The following DAB1 variants were observed in gnomAD, a reference collection of about 807,000 sequenced individuals.
The protein encoded by DAB1 is disabled homolog 1.
In DAB1, 15 loss-of-function variants were observed where a neutral mutation model predicts 64.6. That is an observed-to-expected ratio of 0.23 (90% CI 0.16 to 0.36). The LOEUF (loss-of-function observed/expected upper bound fraction) is 0.36. Ranked by LOEUF, DAB1 falls within the 10% of genes least tolerant of loss-of-function variation. DAB1 has a pLI of 1.00. For synonymous variants in DAB1, 235 were observed against 251.9 expected (o/e 0.93, Z 0.64); for missense variants, 596 against 706.7 (o/e 0.84, Z 1.78).
intron 4 of DAB1, among the ~76,000 whole-genome samples, chr1:58,227,879 T>C (rs183023601): frequency 6.6e-6 from 1 of 152,336 alleles, no homozygotes; most frequent in Non-Finnish European, 1.5e-5. Flanking sequence ...TTATTTCTGT[T>C]GGACAATTTT....
intron 5 of DAB1, among the ~76,000 whole-genome samples, chr1:57,992,572 C>G (rs527664262): frequency 6.6e-6 from 1 of 152,114 alleles, no homozygotes; most frequent in African/African-American, 2.4e-5. Context: ...TATGATGTGC[C>G]CCAGAATCAC....
chr1:57,581,292 A>C (rs891348314), intron 7 of DAB1, among the ~76,000 whole-genome samples: 4 of 152,236 alleles, frequency 2.6e-5, no homozygotes, highest in African/African-American at 7.2e-5. Flanking sequence ...GAAAAACTCT[A>C]GGGGAACAAA....
chr1:58,358,944 T>A (rs1173344488), intron 3 of DAB1, among the ~76,000 whole-genome samples: 2 of 10,882 alleles, frequency 1.8e-4, no homozygotes, highest in African/African-American at 9.5e-4. Flanking sequence ...TCTCTCTCTC[T>A]CTCTCTGTAA....
chr1:57,379,840 A>G (rs1375348195), intron 1 of DAB1, among the ~76,000 whole-genome samples: 1 of 152,222 alleles, frequency 6.6e-6, no homozygotes, highest in African/African-American at 2.4e-5. Context: ...GAAGAAGATC[A>G]AGGGCTTGCG....
At chr1:57,681,343 A>C (rs1646634313) in intron 6 of DAB1, among the ~76,000 whole-genome samples, 1 of 152,130 alleles carries the variant, frequency 6.6e-6, no homozygotes, top group Non-Finnish European at 1.5e-5. Context: ...CCACTTCTTA[A>C]TTTAATTAAC....
chr1:57,829,232 TTAAC>T (rs1194415905), intron 1 of DAB1, among the ~76,000 whole-genome samples: 1 of 152,210 alleles, frequency 6.6e-6, no homozygotes, highest in Non-Finnish European at 1.5e-5. Flanking sequence ...TATCTGATTA[TTAAC>T]TAACAATTGT....
chr1:58,369,278 G>A (rs1263048311), intron 3 of DAB1, among the ~76,000 whole-genome samples: 1 of 151,896 alleles, frequency 6.6e-6, no homozygotes, highest in African/African-American at 2.4e-5. Context: ...ATTAGCTTCT[G>A]AATATTTGTC....
In DAB1 at chr1:57,843,925, C is replaced by T. The variant is rs72666108; in HGVS notation, n.88-17470G>A. 3.0e-3 allele frequency among the ~76,000 whole-genome samples: 453 copies of T among 152,286 alleles called. 1 individual carries two copies. Among genetic ancestry groups the T allele is most frequent in the Non-Finnish European group, 4.9e-3 (336 of 68,018 alleles). On this transcript the variant is annotated intron_variant and non_coding_transcript_variant, in intron 1 of 1. Transcript: ENST00000477280. ...ATATAGAAAGAAGCAAGAATTTGACCAGGTTTGACCCATTCTGGAAGTTCT... is the reference window on the plus strand; with the variant it reads ...ATATAGAAAGAAGCAAGAATTTGACTAGGTTTGACCCATTCTGGAAGTTCT...
At chr1:58,201,862 T>C (rs1328369783) in intron 4 of DAB1, among the ~76,000 whole-genome samples, 1 of 152,180 alleles carries the variant, frequency 6.6e-6, no homozygotes, top group African/African-American at 2.4e-5. Flanking sequence ...TACCCTGAAA[T>C]GGGAGGAGTG....
chr1:58,247,767 T>G (rs1217855858), intron 4 of DAB1, among the ~76,000 whole-genome samples: 2 of 151,636 alleles, frequency 1.3e-5, no homozygotes, highest in Non-Finnish European at 2.9e-5. Flanking sequence ...CATCTCTCCC[T>G]TCTCCTCACC....
chr1:57,597,561 A>G lies in DAB1; in HGVS notation n.625+52031T>C, dbSNP rs555667441. Among the ~76,000 whole-genome samples the G allele has an allele frequency of 5.3e-5, 8 of 152,380 alleles. No individual in the cohort carries two copies. The South Asian group carries it at 1.7e-3, about 32-fold the overall frequency. ...CACAAGGCTACGAAGTTAGAATCAG[A>G]GATCCTTTATTTAGTCCAACACCTG... On this transcript the variant is annotated intron_variant and non_coding_transcript_variant, in intron 7 of 20. Transcript: ENST00000485760.
At position 58,127,384 on chromosome 1, in the gene DAB1, G is replaced by A. The variant is rs753698241; in HGVS notation, n.387+23127C>T. On this transcript the variant is annotated intron_variant and non_coding_transcript_variant, in intron 5 of 20. Coordinates refer to the DAB1 transcript ENST00000485760. ...GCCCTTTGTCAGATGAGTAGGTTGCGAAAATTTTCTCCCATTTTGTAGGTT... is the reference window on the plus strand; with the variant it reads ...GCCCTTTGTCAGATGAGTAGGTTGCAAAAATTTTCTCCCATTTTGTAGGTT... Among the ~76,000 whole-genome samples the A allele has an allele frequency of 2.8e-3, 430 of 151,672 alleles. 1 individual carries two copies. The highest frequency in any genetic ancestry group is 4.8e-3 in the Non-Finnish European group (327 of 67,842).
At chr1:57,739,821 T>C (rs1218772408) in intron 6 of DAB1, among the ~76,000 whole-genome samples, 1 of 151,822 alleles carries the variant, frequency 6.6e-6, no homozygotes, top group East Asian at 2.0e-4. Context: ...CCTAAGAATT[T>C]TCATCAGTAA....
intron 1 of DAB1, among the ~76,000 whole-genome samples, chr1:57,412,185 T>C (rs987045398): frequency 6.6e-6 from 1 of 152,256 alleles, no homozygotes; most frequent in Non-Finnish European, 1.5e-5. Context: ...GTATGTTTTC[T>C]AACTGCTCCA....
chr1:57,537,743 G>A (rs1222434750), intron 7 of DAB1, among the ~76,000 whole-genome samples: 1 of 152,168 alleles, frequency 6.6e-6, no homozygotes, highest in Admixed American at 6.5e-5. Context: ...CCTAACAATA[G>A]TGGTGTCTCA....
intron 5 of DAB1, among the ~76,000 whole-genome samples, chr1:58,106,613 T>C (rs1298853351): frequency 3.9e-5 from 6 of 152,168 alleles, no homozygotes; most frequent in East Asian, 1.9e-4. Flanking sequence ...AGCGATAGGG[T>C]TGCAACACTG....
chr1:57,057,623 T>TA (rs1649911085), intron 9 of DAB1, among the ~76,000 whole-genome samples: 1 of 151,358 alleles, frequency 6.6e-6, no homozygotes, highest in African/African-American at 2.4e-5. Flanking sequence ...TTTTTTTTTT[T>TA]TGGAGACAGA....
intron 1 of DAB1, among the ~76,000 whole-genome samples, chr1:57,306,513 C>CTTT (rs1166241090): frequency 4.0e-4 from 46 of 114,294 alleles, no homozygotes; most frequent in Non-Finnish European, 5.1e-4. Flanking sequence ...TTAGAACAGG[C>CTTT]TTTTTTTTTT....
upstream of DAB1, among the ~76,000 whole-genome samples, chr1:57,887,779 A>C (rs1035734398): frequency 6.6e-6 from 1 of 152,120 alleles, no homozygotes; most frequent in Non-Finnish European, 1.5e-5. Flanking sequence ...AAAATCCCAA[A>C]TGAATATAAT....
Sources: allele counts gnomAD v4.1 joint callset (sites outside exome capture counted in the v4.1 genomes callset), GRCh38; gene constraint gnomAD v4.1.1; transcripts MANE v1.5; gene names NCBI Gene and HGNC (gene_info 2026-07-23, HGNC 2026-07-21).